The following IGF2R variants were observed in gnomAD, a reference collection of about 807,000 sequenced individuals.
IGF2R encodes insulin like growth factor 2 receptor, also known as cation-independent mannose-6-phosphate receptor.
IGF2R carries 91 observed loss-of-function variants against 270.6 expected under a neutral mutation model. That is an observed-to-expected ratio of 0.34 (90% CI 0.28 to 0.40). The LOEUF (loss-of-function observed/expected upper bound fraction) is 0.40, where lower values mean the gene tolerates loss of function less well. Ranked by LOEUF, IGF2R falls within the 10% of genes least tolerant of loss-of-function variation. IGF2R has a pLI of 1.00. For missense variants in IGF2R, 2,805 were observed against 3,188.3 expected (o/e 0.88, Z 2.90); for synonymous variants, 1,316 against 1,258.9 (o/e 1.05, Z -0.96).
Position 160,105,010 on chromosome 6 carries a change from C to T in IGF2R, c.7402C>T (p.Gln2468Ter), listed in dbSNP as rs1323491156. 1.2e-6 allele frequency: 2 copies of T among 1,613,298 alleles called. No homozygotes were observed. The highest frequency in any genetic ancestry group is 1.7e-6 in the Non-Finnish European group (2 of 1,179,726). Residue 2468 changes from glutamine to a stop codon, truncating the protein, a stop_gained, in exon 48 of 48, where the codon CAG (glutamine) becomes TAG (stop). Coordinates refer to ENST00000356956, the MANE Select transcript of IGF2R (RefSeq NM_000876.4). LOFTEE classifies it high-confidence loss of function. ...KARKGKSSSA[Q>*]QKTVSSTKLV... ...GAGGAAAGGGAAGTCCAGCTCTGCA[C>T]AGCAGAAGACAGTGAGCTCCACCAA...
In IGF2R at chr6:160,062,412, T is replaced by A. The variant is rs1463614878; in HGVS notation, c.3583-120T>A. ...TGATCTTGAACTCCTGAACTTGTGA[T>A]CCACCCGTCTCGGCCTCCCAAAGTG... On this transcript the variant is annotated intron_variant, in intron 25 of 47. Transcript: ENST00000356956. The A allele has an allele frequency of 2.8e-5, 20 of 717,664 alleles. No homozygotes were observed. In the East Asian group the frequency reaches 4.7e-4, roughly 17 times the overall value. The allele number at this position is 717,664 out of a possible 1,614,324, so 44.5% of individuals were successfully genotyped here.
At position 159,969,387 on chromosome 6, in the gene IGF2R, G is replaced by A; in HGVS notation, c.141G>A (p.Glu47=). 1 of 1,263,418 alleles carries A rather than the reference G, an allele frequency of 7.9e-7. No individual in the cohort carries two copies. The highest frequency in any genetic ancestry group is 3.8e-5 in the Admixed American group (1 of 26,178). 78.3% of individuals were successfully genotyped at this position (1,263,418 alleles called of 1,614,324 possible). ...STQAQAAPFP[E]LCSYTWEAVD... ...AGGCCCAGGCCGCCCCGTTCCCCGA[G>A]CTGTGCAGGTGGGTGGCCCGCCCGG... The change falls in exon 1 of 48, where the codon GAG becomes GAA. Residue 47 remains glutamate (E), a synonymous_variant. Transcript: ENST00000356956.
rs1778319946 is a variant in IGF2R, at chr6:160,056,490, G to A, written c.2761G>A (p.Ala921Thr). Reference protein sequence around the residue: ...VVSFLWNTEAACPIQTTTDTD... With the variant: ...VVSFLWNTEATCPIQTTTDTD... Reference sequence around the variant, plus strand: ...CAGTTTCCTGTGGAACACAGAGGCTGCCTGTCCCATTCAGACAACGACGGA... The same window carrying A: ...CAGTTTCCTGTGGAACACAGAGGCTACCTGTCCCATTCAGACAACGACGGA... Residue 921 changes from alanine (A) to threonine (T), a missense_variant, in exon 20 of 48, where the codon GCC becomes ACC. By Grantham distance (58) the Ala-to-Thr change is moderately conservative. Transcript: ENST00000356956. 1.9e-6 allele frequency: 3 copies of A among 1,613,870 alleles called. No homozygotes were observed. The highest frequency in any genetic ancestry group is 2.5e-6 in the Non-Finnish European group (3 of 1,179,846).
At chr6:160,044,793 A>T in intron 13 of IGF2R, 136 bp downstream of exon 13, 1 of 699,578 alleles carries the variant, frequency 1.4e-6, no homozygotes, top group Non-Finnish European at 2.3e-6. Context: ...TGAGTTCCAG[A>T]CTCTGGCGAT....
chr6:159,970,758 G>C (rs1350018677), intron 1 of IGF2R, among the ~76,000 whole-genome samples: 1 of 152,200 alleles, frequency 6.6e-6, no homozygotes, highest in East Asian at 1.9e-4. Flanking sequence ...AGGCATTTTG[G>C]AATAATGGCT....
intron 44 of IGF2R, among the ~76,000 whole-genome samples, chr6:160,090,973 T>C (rs999160645): frequency 2.0e-5 from 3 of 146,704 alleles, no homozygotes; most frequent in African/African-American, 7.7e-5. Context: ...GGGTGCTCTG[T>C]GCCCTGGTGC....
chr6:159,981,707 G>A (rs760961350), intron 1 of IGF2R, among the ~76,000 whole-genome samples: 16 of 152,228 alleles, frequency 1.1e-4, no homozygotes, highest in Admixed American at 2.0e-4. Context: ...GCTGGGGCAG[G>A]AATCTGGCCC....
chr6:160,029,105 C>T (rs1777634568), intron 6 of IGF2R, among the ~76,000 whole-genome samples: 1 of 152,088 alleles, frequency 6.6e-6, no homozygotes. Flanking sequence ...GCCTCAGCCT[C>T]CTCAGTAGCT....
In IGF2R at chr6:160,075,831, C is replaced by T. The variant is rs781719732; in HGVS notation, c.5167-16C>T. 25 of 1,610,484 alleles carry T rather than the reference C, an allele frequency of 1.6e-5. No individual in the cohort carries two copies. The South Asian group carries it at 2.4e-4, about 16-fold the overall frequency. On this transcript the variant is annotated splice_polypyrimidine_tract_variant and intron_variant, in intron 35 of 47. Coordinates refer to ENST00000356956, the MANE Select transcript of IGF2R (RefSeq NM_000876.4). The stretch of plus-strand genomic sequence containing the variant: ...TTAATTTCCTGAAATACTGTTTGCC[C>T]TCGCTCTTTGTTTAGGATATCGGCC...
intron 39 of IGF2R, among the ~76,000 whole-genome samples, chr6:160,081,016 C>T (rs1428363688): frequency 6.7e-6 from 1 of 150,288 alleles, no homozygotes; most frequent in African/African-American, 2.4e-5. Flanking sequence ...GTCCCAGCTA[C>T]TGGGGAGGCT....
chr6:159,985,164 T>C (rs1380246152), intron 1 of IGF2R, among the ~76,000 whole-genome samples: 1 of 152,234 alleles, frequency 6.6e-6, no homozygotes, highest in African/African-American at 2.4e-5. Flanking sequence ...GTCTGTCCTT[T>C]TAATGGCATT....
intron 2 of IGF2R, chr6:160,005,526 C>G (rs1375682399): frequency 1.3e-5 from 2 of 152,262 alleles, no homozygotes; most frequent in Non-Finnish European, 2.9e-5. Flanking sequence ...CCAGCGTGGC[C>G]GTGCGGCTGG....
chr6:160,096,263 T>A, intron 44 of IGF2R, 176 bp from the exon 45 acceptor site: 1 of 578,630 alleles, frequency 1.7e-6, no homozygotes, highest in South Asian at 2.4e-5. Flanking sequence ...CAGGGCTCTA[T>A]CCATGTGCAT....
intron 1 of IGF2R, among the ~76,000 whole-genome samples, chr6:159,981,449 A>G (rs1277389248): frequency 6.6e-6 from 1 of 152,136 alleles, no homozygotes; most frequent in East Asian, 1.9e-4. Context: ...GTTCCTTGCC[A>G]GTGTCATGTG....
chr6:159,976,011 A>G (rs1371525871), intron 1 of IGF2R, among the ~76,000 whole-genome samples: 3 of 151,728 alleles, frequency 2.0e-5, no homozygotes, highest in Non-Finnish European at 2.9e-5. Flanking sequence ...TTGTGGAAGG[A>G]GCTAGTTAGC....
intron 44 of IGF2R, 32 bp downstream of exon 44, chr6:160,090,135 T>C: frequency 7.1e-7 from 1 of 1,414,938 alleles, no homozygotes; most frequent in Non-Finnish European, 9.4e-7. Context: ...AGTTCCACAT[T>C]TAACTTCCTC....
chr6:159,972,820 A>G (rs1194019164), intron 1 of IGF2R, among the ~76,000 whole-genome samples: 1 of 152,240 alleles, frequency 6.6e-6, no homozygotes, highest in Non-Finnish European at 1.5e-5. Flanking sequence ...TGCATTGAAC[A>G]GCAGGCACGA....
At chr6:160,076,119 A>G (rs1778850538) in intron 36 of IGF2R, 123 bp downstream of exon 36, 2 of 933,714 alleles carry the variant, frequency 2.1e-6, no homozygotes, top group African/African-American at 1.6e-5. Context: ...CTTGGGTAAG[A>G]TGGTACGCTA....
chr6:160,046,562 G>C lies in IGF2R; in HGVS notation c.1968G>C (p.Lys656Asn), dbSNP rs1778073327. The C allele has an allele frequency of 1.2e-6, 2 of 1,614,056 alleles. No individual in the cohort carries two copies. The highest frequency in any genetic ancestry group is 1.7e-5 in the Admixed American group (1 of 59,958). ...KNGAYKVETK[K>N]YDFYINVCGP... The stretch of plus-strand genomic sequence containing the variant: ...GTGCCTATAAAGTTGAGACAAAGAA[G>C]TATGACTTTTATATAAATGTGTGTG... Residue 656 changes from lysine to asparagine, a missense_variant, in exon 15 of 48, where the codon AAG becomes AAC. Around this residue, in one of 2 missense-constraint regions of IGF2R, gnomAD observed 954 missense variants for 981.1 expected, o/e 0.97. Coordinates refer to ENST00000356956, the MANE Select transcript of IGF2R (RefSeq NM_000876.4).
Sources: gnomAD v4.1 joint callset for allele counts (sites outside exome capture counted in the v4.1 genomes callset) on GRCh38, gnomAD v4.1.1 for gene constraint, gnomAD v4.1.1 regional missense constraint, MANE v1.5 for transcripts, NCBI Gene and HGNC (gene_info 2026-07-23, HGNC 2026-07-21) for gene names.